PLCXD3: variants seen among roughly 807,000 people sequenced by gnomAD.
PLCXD3 encodes the protein PI-PLC X domain-containing protein 3.
PLCXD3 carries 19 observed loss-of-function variants against 25.5 expected under a neutral mutation model. That is an observed-to-expected ratio of 0.75 (90% CI 0.52 to 1.09). The LOEUF is 1.09. Ranked by LOEUF, PLCXD3 falls within the 50% of genes least tolerant of loss-of-function variation. PLCXD3 has a pLI of 0.00. For synonymous variants in PLCXD3, 174 were observed against 137.6 expected (o/e 1.26, Z -1.85); for missense variants, 411 against 388.1 (o/e 1.06, Z -0.50).
chr5:41,451,896 G>C lies in PLCXD3; in HGVS notation c.103+58528C>G, dbSNP rs183417067. ...CTTGTTGGATTGGAGGCTTCCCAAG[G>C]CCTACTTGACCCTTGGAGTGTAATA... is the stretch of plus-strand genomic sequence containing the variant. On this transcript the variant is annotated intron_variant, in intron 1 of 2. Coordinates refer to ENST00000377801, the MANE Select transcript of PLCXD3 (RefSeq NM_001005473.3). 1.5e-4 allele frequency among the ~76,000 whole-genome samples: 23 copies of C among 152,084 alleles called. No individual in the cohort carries two copies. In the East Asian group the frequency reaches 3.9e-3, roughly 26 times the overall value.
chr5:41,456,423 G>T (rs1747754652), intron 1 of PLCXD3: 1 of 352,462 alleles, frequency 2.8e-6, no homozygotes, highest in African/African-American at 2.2e-5. Flanking sequence ...TATGTACAAT[G>T]GCTAACTTTT....
chr5:41,470,450 A>G (rs1748127339), intron 1 of PLCXD3, among the ~76,000 whole-genome samples: 1 of 152,158 alleles, frequency 6.6e-6, no homozygotes, highest in African/African-American at 2.4e-5. Context: ...GGAAATTAGT[A>G]GAGCATCAGT....
chr5:41,345,070 A>AG, intron 2 of PLCXD3, among the ~76,000 whole-genome samples: 1 of 152,334 alleles, frequency 6.6e-6, no homozygotes, highest in East Asian at 1.9e-4. Flanking sequence ...ACTTGGACAC[A>AG]GTCAAAATAG....
intron 1 of PLCXD3, among the ~76,000 whole-genome samples, chr5:41,416,257 GA>G (rs1469764716): frequency 2.7e-5 from 4 of 150,558 alleles, no homozygotes; most frequent in Admixed American, 6.6e-5. Context: ...GATCTAGAAG[GA>G]AAAAGCGACA....
intron 1 of PLCXD3, among the ~76,000 whole-genome samples, chr5:41,424,802 T>A (rs1001550718): frequency 3.3e-5 from 5 of 152,220 alleles, no homozygotes; most frequent in African/African-American, 1.2e-4. Flanking sequence ...AATATTTAAA[T>A]ATGCTTCAAG....
At chr5:41,441,892 A>G (rs114499152) in intron 1 of PLCXD3, among the ~76,000 whole-genome samples, 2,658 of 152,346 alleles carry the variant, frequency 0.017, 18 homozygotes, top group Non-Finnish European at 0.026. Flanking sequence ...TCTAAACATC[A>G]GAAAAAATTT....
chr5:41,347,429 A>G (rs1422189506), intron 2 of PLCXD3, among the ~76,000 whole-genome samples: 1 of 152,206 alleles, frequency 6.6e-6, no homozygotes, highest in African/African-American at 2.4e-5. Context: ...CACTCCAAGG[A>G]AAGTAATTTA....
chr5:41,352,510 C>G (rs1022236847), intron 2 of PLCXD3, among the ~76,000 whole-genome samples: 1 of 152,098 alleles, frequency 6.6e-6, no homozygotes, highest in Admixed American at 6.5e-5. Flanking sequence ...AAAGCAGGTT[C>G]GCAGAAAATA....
intron 1 of PLCXD3, among the ~76,000 whole-genome samples, chr5:41,411,550 TAAAA>T (rs1746519480): frequency 9.2e-5 from 14 of 152,234 alleles, no homozygotes; most frequent in Admixed American, 7.2e-4. Flanking sequence ...GAAATGTTTA[TAAAA>T]CTGGCACAAA....
chr5:41,480,653 G>T (rs748077703), intron 1 of PLCXD3, among the ~76,000 whole-genome samples: 1 of 152,036 alleles, frequency 6.6e-6, no homozygotes, highest in African/African-American at 2.4e-5. Flanking sequence ...AGGAGCAGTG[G>T]CTCACTCCTG....
intron 1 of PLCXD3, among the ~76,000 whole-genome samples, chr5:41,441,839 G>A (rs1003178198): frequency 2.0e-5 from 3 of 152,102 alleles, no homozygotes; most frequent in Admixed American, 6.5e-5. Flanking sequence ...TGGAGACCCA[G>A]GTTGTCTCCA....
At chr5:41,480,058 T>C (rs1212256912) in intron 1 of PLCXD3, among the ~76,000 whole-genome samples, 1 of 152,198 alleles carries the variant, frequency 6.6e-6, no homozygotes, top group African/African-American at 2.4e-5. Context: ...TCAGTTGATA[T>C]TATAATGAAA....
intron 2 of PLCXD3, among the ~76,000 whole-genome samples, chr5:41,376,865 T>C (rs1745312420): frequency 6.6e-6 from 1 of 152,104 alleles, no homozygotes; most frequent in Non-Finnish European, 1.5e-5. Flanking sequence ...TAGGAGCTGT[T>C]TAACAGATAA....
At chr5:41,436,187 C>T (rs1747250656) in intron 1 of PLCXD3, among the ~76,000 whole-genome samples, 1 of 151,872 alleles carries the variant, frequency 6.6e-6, no homozygotes, top group Non-Finnish European at 1.5e-5. Context: ...TGTGGTTCAA[C>T]TCATAAATGT....
chr5:41,441,496 A>G (rs2150511690), intron 1 of PLCXD3, among the ~76,000 whole-genome samples: 1 of 152,278 alleles, frequency 6.6e-6, no homozygotes, highest in South Asian at 2.1e-4. Context: ...CTCACCTGGG[A>G]AAGCTTCTCT....
At chr5:41,380,939 G>A (rs1368411141) in intron 2 of PLCXD3, among the ~76,000 whole-genome samples, 4 of 152,112 alleles carry the variant, frequency 2.6e-5, no homozygotes, top group African/African-American at 9.7e-5. Context: ...CTACATGTTT[G>A]GCTGGGCTTG....
At chr5:41,426,170 T>C (rs951053659) in intron 1 of PLCXD3, among the ~76,000 whole-genome samples, 16 of 135,692 alleles carry the variant, frequency 1.2e-4, no homozygotes, top group African/African-American at 3.9e-4. Context: ...TGGTATCTCA[T>C]TGTTGTTTTA....
intron 2 of PLCXD3, among the ~76,000 whole-genome samples, chr5:41,374,520 G>T (rs1745227681): frequency 6.6e-6 from 1 of 152,094 alleles, no homozygotes; most frequent in Non-Finnish European, 1.5e-5. Context: ...TTGTACGAAT[G>T]AAGCCACGTA....
At chr5:41,458,676 A>G (rs1747808043) in intron 1 of PLCXD3, among the ~76,000 whole-genome samples, 1 of 151,918 alleles carries the variant, frequency 6.6e-6, no homozygotes, top group South Asian at 2.1e-4. Context: ...GGAAATCTGA[A>G]TGCTTTTCTT....
Sources: gnomAD v4.1 joint callset for allele counts (sites outside exome capture counted in the v4.1 genomes callset) on GRCh38, gnomAD v4.1.1 for gene constraint, MANE v1.5 for transcripts, NCBI Gene and HGNC (gene_info 2026-07-23, HGNC 2026-07-21) for gene names.